Variants in C6 observed in about 807,000 individuals in gnomAD.
The protein encoded by C6 is complement component C6.
C6 carries 101 observed loss-of-function variants against 112.9 expected under a neutral mutation model. The ratio of observed to expected loss-of-function variants is 0.89; its 90% CI spans 0.76 to 1.06. The LOEUF is 1.06. Among genes scored for constraint, C6 ranks in the 50% least tolerant of loss-of-function variants. C6 has a pLI of 0.00. For missense variants in C6, 1,202 were observed against 1,104.6 expected (o/e 1.09, Z -1.25); for synonymous variants, 431 against 384.1 (o/e 1.12, Z -1.43).
intron 1 of C6, among the ~76,000 whole-genome samples, chr5:41,256,317 T>C (rs1741696196): frequency 6.6e-6 from 1 of 151,492 alleles, no homozygotes; most frequent in South Asian, 2.1e-4. Flanking sequence ...TTGGGAGATA[T>C]ACCTAATGCT....
chr5:41,241,032 G>A (rs112358932), intron 1 of C6, among the ~76,000 whole-genome samples: 9 of 152,318 alleles, frequency 5.9e-5, no homozygotes, highest in Non-Finnish European at 7.4e-5. Context: ...CAGCATGCTC[G>A]CAGGAGTGGT....
At chr5:41,239,622 A>C (rs1740570990) in intron 1 of C6, among the ~76,000 whole-genome samples, 1 of 151,338 alleles carries the variant, frequency 6.6e-6, no homozygotes, top group Admixed American at 6.6e-5. Context: ...AAACACCTCC[A>C]CACCTTTCTG....
At chr5:41,179,106 G>T (rs1262552383) in intron 7 of C6, among the ~76,000 whole-genome samples, 1 of 151,116 alleles carries the variant, frequency 6.6e-6, no homozygotes, top group Non-Finnish European at 1.5e-5. Context: ...TGCCCACCTT[G>T]GCCTTCCAAA....
chr5:41,181,628 G>A (rs1273374321), intron 6 of C6, 69 bp from the exon 7 acceptor site: 1 of 1,241,268 alleles, frequency 8.1e-7, no homozygotes, highest in Non-Finnish European at 1.2e-6. Flanking sequence ...GATATCTAAT[G>A]AAATGATGAT....
intron 3 of C6, among the ~76,000 whole-genome samples, chr5:41,201,097 G>T (rs183371681): frequency 6.6e-6 from 1 of 151,954 alleles, no homozygotes; most frequent in Non-Finnish European, 1.5e-5. Flanking sequence ...CAGGCTATAT[G>T]TATAAGGTAT....
In C6 at chr5:41,191,247, A is replaced by G. The variant is rs1415466330; in HGVS notation, c.587+4545T>C. 5.9e-5 allele frequency among the ~76,000 whole-genome samples: 9 copies of G among 151,662 alleles called. No individual in the cohort carries two copies. In the East Asian group the frequency reaches 1.7e-3, roughly 29 times the overall value. Reference sequence around the variant, plus strand: ...ACGCCTGGCTAATTTTTGTATTTTTAGTAGAGATGGGGTTTCACTATGTTG... The same window carrying G: ...ACGCCTGGCTAATTTTTGTATTTTTGGTAGAGATGGGGTTTCACTATGTTG... On this transcript the variant is annotated intron_variant, in intron 5 of 17. Transcript: ENST00000337836.
chr5:41,233,252 G>A (rs114568219), intron 1 of C6, among the ~76,000 whole-genome samples: 1,529 of 152,076 alleles, frequency 0.01, 33 homozygotes, highest in African/African-American at 0.035. Context: ...ACTCATTCTG[G>A]TCATTATCAA....
At position 41,203,242 on chromosome 5, in the gene C6, C is replaced by T. The variant is rs2305060; in HGVS notation, c.-12G>A. On this transcript the variant is annotated 5_prime_UTR_variant, in exon 2 of 18. Transcript: ENST00000337836. ...GAGCGTCTGGCCATGCCTTGAGAGC[C>T]TCCAGGCCCTAAAATGAAAGAATAC... The T allele has an allele frequency of 0.1, 162,578 of 1,613,624 alleles. 8,601 individuals are homozygous for T. Among genetic ancestry groups the T allele is most frequent in the East Asian group, 0.14 (6,313 of 44,866 alleles).
intron 1 of C6, among the ~76,000 whole-genome samples, chr5:41,203,973 C>G (rs1751228369): frequency 6.6e-6 from 1 of 152,160 alleles, no homozygotes; most frequent in East Asian, 1.9e-4. Context: ...AGCTCCACCA[C>G]TCAGGCCACA....
Position 41,176,533 on chromosome 5 carries a change from G to T in C6, c.1110C>A (p.Ser370=). ...DFGTHYFTSG[S]LGGVYDLLYQ... ...AGAGAAGGTCATACACGCCTCCCAG[G>T]GAGCCAGAGGTGAAGTAATGAGTCC... The change falls in exon 8 of 18, where the codon TCC becomes TCA. Residue 370 remains serine (S), a synonymous_variant. Coordinates refer to ENST00000337836, the MANE Select transcript of C6 (RefSeq NM_000065.5). 1.2e-6 allele frequency: 2 copies of T among 1,613,736 alleles called. No homozygotes were observed. The highest frequency in any genetic ancestry group is 1.7e-6 in the Non-Finnish European group (2 of 1,179,802).
intron 7 of C6, among the ~76,000 whole-genome samples, chr5:41,180,126 A>C (rs1024794253): frequency 6.6e-6 from 1 of 152,212 alleles, no homozygotes; most frequent in Non-Finnish European, 1.5e-5. Context: ...CTATCCACAC[A>C]GTGCTTTAGG....
chr5:41,176,803 T>G (rs776625214), intron 7 of C6, 88 bp from the exon 8 acceptor site: 7 of 1,197,898 alleles, frequency 5.8e-6, no homozygotes, highest in Non-Finnish European at 8.4e-6. Context: ...TTATCATTAG[T>G]TTCATTCCCA....
intron 1 of C6, among the ~76,000 whole-genome samples, chr5:41,220,663 T>C (rs1008567924): frequency 6.6e-6 from 1 of 152,180 alleles, no homozygotes; most frequent in Non-Finnish European, 1.5e-5. Flanking sequence ...GGGCCTCTTT[T>C]CATGTGCCTG....
At chr5:41,182,540 T>A (rs1450401459) in intron 6 of C6, among the ~76,000 whole-genome samples, 1 of 152,184 alleles carries the variant, frequency 6.6e-6, no homozygotes. Flanking sequence ...CTTTCATGAG[T>A]CTCTTTAATC....
chr5:41,188,546 C>T (rs73074009), intron 5 of C6, among the ~76,000 whole-genome samples: 2,032 of 152,082 alleles, frequency 0.013, 48 homozygotes, highest in African/African-American at 0.046. Flanking sequence ...ATGAATGGTG[C>T]TGTAATGACC....
intron 1 of C6, among the ~76,000 whole-genome samples, chr5:41,230,446 A>G (rs1173489434): frequency 6.6e-6 from 1 of 152,054 alleles, no homozygotes; most frequent in Non-Finnish European, 1.5e-5. Context: ...TAAGTGGTTG[A>G]GATAAGGACT....
intron 1 of C6, among the ~76,000 whole-genome samples, chr5:41,259,133 G>C (rs1034942198): frequency 2.0e-5 from 3 of 152,280 alleles, no homozygotes; most frequent in Middle Eastern, 3.4e-3. Flanking sequence ...AAAAGAGAAT[G>C]TAATAAATTG....
intron 1 of C6, among the ~76,000 whole-genome samples, chr5:41,206,574 C>A (rs549978594): frequency 6.6e-6 from 1 of 152,062 alleles, no homozygotes; most frequent in Non-Finnish European, 1.5e-5. Context: ...AACTACATGA[C>A]GCATGCACAA....
chr5:41,142,901 T>G lies in C6; in HGVS notation c.2729A>C (p.Asn910Thr). ...MGSSTSEKTL[N>T]ICEVGTIRCA... ...TCTTATAGTTCCCACTTCACAGATG[T>G]TCAATGTTTTCTCACTTGTTGATGA... The change falls in exon 18 of 18, where the codon AAC becomes ACC. Residue 910 changes from asparagine (N) to threonine (T), a missense_variant. Physicochemically the swap from Asn to Thr is moderately conservative, Grantham distance 65. Transcript: ENST00000337836. The G allele has an allele frequency of 6.2e-7, 1 of 1,613,596 alleles. No homozygotes were observed. Among genetic ancestry groups the G allele is most frequent in the Non-Finnish European group, 8.5e-7 (1 of 1,179,654 alleles).
Sources: gnomAD v4.1 joint callset for allele counts (sites outside exome capture counted in the v4.1 genomes callset) on GRCh38, gnomAD v4.1.1 for gene constraint, MANE v1.5 for transcripts, NCBI Gene and HGNC (gene_info 2026-07-23, HGNC 2026-07-21) for gene names.